CFAP299: variants seen among roughly 807,000 people sequenced by gnomAD.
CFAP299 encodes cilia and flagella associated protein 299.
Under a neutral mutation model 27.0 loss-of-function variants are expected in CFAP299, and 21 were observed. The observed-to-expected ratio is 0.78, with a 90% CI of 0.55 to 1.12. The LOEUF (loss-of-function observed/expected upper bound fraction) is 1.12. Ranked by LOEUF, CFAP299 falls within the 50% of genes most tolerant of loss-of-function variation. The pLI, the probability that CFAP299 is intolerant of heterozygous loss-of-function variation, is 0.00. For missense variants in CFAP299, 310 were observed against 276.6 expected, an observed-to-expected ratio of 1.12 and a Z score of -0.86; for synonymous variants, 104 against 98.1, an observed-to-expected ratio of 1.06 and a Z score of -0.36.
intron 2 of CFAP299, chr4:80,387,204 C>A (rs777720250): frequency 5.8e-6 from 8 of 1,381,514 alleles, no homozygotes; most frequent in African/African-American, 2.8e-5. Flanking sequence ...TACTGGTGCA[C>A]GCTCAGGTCG....
intron 3 of CFAP299, among the ~76,000 whole-genome samples, chr4:80,716,845 T>A (rs1459140969): frequency 1.3e-5 from 2 of 152,080 alleles, no homozygotes; most frequent in African/African-American, 2.4e-5. Flanking sequence ...TGATCTCTGA[T>A]GGTCTGTGGT....
intron 2 of CFAP299, chr4:80,388,270 G>A: frequency 1.5e-6 from 1 of 687,174 alleles, no homozygotes; most frequent in Admixed American, 2.0e-5. Context: ...GCTGGTCCAG[G>A]GATGTGAAGC....
chr4:80,503,698 C>T (rs1731852111), intron 2 of CFAP299, among the ~76,000 whole-genome samples: 1 of 152,168 alleles, frequency 6.6e-6, no homozygotes, highest in South Asian at 2.1e-4. Flanking sequence ...GTTGCAGTCA[C>T]ATTTTAAATT....
At chr4:80,845,707 A>AT (rs1731147242) in intron 3 of CFAP299, among the ~76,000 whole-genome samples, 1 of 152,144 alleles carries the variant, frequency 6.6e-6, no homozygotes, top group South Asian at 2.1e-4. Flanking sequence ...ATTTCTTCCA[A>AT]TTAATCTCAA....
At chr4:80,360,323 C>T (rs1275725670) in intron 1 of CFAP299, among the ~76,000 whole-genome samples, 2 of 152,134 alleles carry the variant, frequency 1.3e-5, no homozygotes, top group Non-Finnish European at 2.9e-5. Context: ...GTGAGCCCCT[C>T]CTGAAGACTG....
chr4:80,408,046 T>A (rs1185585622), intron 2 of CFAP299, among the ~76,000 whole-genome samples: 1 of 152,224 alleles, frequency 6.6e-6, no homozygotes, highest in East Asian at 1.9e-4. Context: ...TCACATTTTC[T>A]TGTTGATGGA....
At chr4:80,914,839 C>G (rs1735666359) in intron 4 of CFAP299, among the ~76,000 whole-genome samples, 1 of 152,044 alleles carries the variant, frequency 6.6e-6, no homozygotes, top group South Asian at 2.1e-4. Flanking sequence ...CCTTTTGATG[C>G]CTGATATGAA....
chr4:80,399,671 T>A (rs1478300765), intron 2 of CFAP299, among the ~76,000 whole-genome samples: 29 of 120,722 alleles, frequency 2.4e-4, no homozygotes, highest in African/African-American at 9.2e-4. Context: ...AAGGGGAACA[T>A]CACACACCAG....
chr4:80,775,339 T>C (rs768073575), intron 3 of CFAP299, among the ~76,000 whole-genome samples: 17 of 152,030 alleles, frequency 1.1e-4, no homozygotes, highest in Non-Finnish European at 1.2e-4. Context: ...TTTTTTCTTA[T>C]GCTTCTCGTA....
rs531607456 is a variant in CFAP299, at chr4:80,722,481, A to G, written c.333+139298A>G. Among the ~76,000 whole-genome samples, 242 of 152,298 alleles carry G rather than the reference A, an allele frequency of 1.6e-3. 1 individual carries two copies. The highest frequency in any genetic ancestry group is 5.7e-3 in the African/African-American group (235 of 41,564). ...AAATTGGACTTTATTAAAACTAAGGATGTCTGTTTTTCAAAAGACACTCTT... is the reference window on the plus strand; with the variant it reads ...AAATTGGACTTTATTAAAACTAAGGGTGTCTGTTTTTCAAAAGACACTCTT... On this transcript the variant is annotated intron_variant, in intron 3 of 5. Coordinates refer to ENST00000358105, the MANE Select transcript of CFAP299 (RefSeq NM_152770.3).
At chr4:80,923,140 C>T (rs556148488) in intron 4 of CFAP299, among the ~76,000 whole-genome samples, 297 of 152,092 alleles carry the variant, frequency 2.0e-3, no homozygotes, top group African/African-American at 6.9e-3. Context: ...ATGGTTGTTA[C>T]GGGCTTTGCC....
intron 3 of CFAP299, among the ~76,000 whole-genome samples, chr4:80,624,103 A>T (rs1160595352): frequency 2.0e-5 from 3 of 152,180 alleles, no homozygotes; most frequent in Admixed American, 1.3e-4. Flanking sequence ...TATCAAGAAC[A>T]ATCAGGACAA....
chr4:80,857,666 T>A (rs1235802173), intron 3 of CFAP299, among the ~76,000 whole-genome samples: 1 of 152,238 alleles, frequency 6.6e-6, no homozygotes, highest in Non-Finnish European at 1.5e-5. Flanking sequence ...GAGATAATTA[T>A]GTGGTTTTTG....
At chr4:80,537,170 G>A (rs1484990505) in intron 2 of CFAP299, among the ~76,000 whole-genome samples, 1 of 152,018 alleles carries the variant, frequency 6.6e-6, no homozygotes, top group Non-Finnish European at 1.5e-5. Context: ...TAGAATGGCT[G>A]TTTTTGAAAA....
intron 3 of CFAP299, among the ~76,000 whole-genome samples, chr4:80,618,720 C>A (rs1414569129): frequency 6.6e-6 from 1 of 152,012 alleles, no homozygotes; most frequent in Non-Finnish European, 1.5e-5. Context: ...ACTTTTATTG[C>A]TACTAAACTA....
At chr4:80,523,944 A>C (rs990846697) in intron 2 of CFAP299, among the ~76,000 whole-genome samples, 1 of 152,150 alleles carries the variant, frequency 6.6e-6, no homozygotes, top group Non-Finnish European at 1.5e-5. Context: ...TAATAAGAGA[A>C]CATGTTAACA....
At chr4:80,884,274 A>C (rs554576180) in intron 4 of CFAP299, among the ~76,000 whole-genome samples, 1 of 152,362 alleles carries the variant, frequency 6.6e-6, no homozygotes, top group African/African-American at 2.4e-5. Flanking sequence ...GTCAGGCCAC[A>C]GAAGTGTCTC....
intron 3 of CFAP299, among the ~76,000 whole-genome samples, chr4:80,835,288 C>G (rs992798294): frequency 6.6e-6 from 1 of 151,886 alleles, no homozygotes; most frequent in Non-Finnish European, 1.5e-5. Flanking sequence ...TTAGTAGAGA[C>G]GGGGTTTCAC....
intron 3 of CFAP299, among the ~76,000 whole-genome samples, chr4:80,731,686 C>A (rs918000063): frequency 6.6e-6 from 1 of 152,142 alleles, no homozygotes; most frequent in South Asian, 2.1e-4. Flanking sequence ...GATTTTACCA[C>A]AATCAAATAG....
Sources: allele counts gnomAD v4.1 joint callset (sites outside exome capture counted in the v4.1 genomes callset), GRCh38; gene constraint gnomAD v4.1.1; transcripts MANE v1.5; gene names NCBI Gene and HGNC (gene_info 2026-07-23, HGNC 2026-07-21).